DOCK4: variants seen among roughly 807,000 people sequenced by gnomAD.
DOCK4 encodes the protein dedicator of cytokinesis protein 4.
In DOCK4, 97 loss-of-function variants were observed where a neutral mutation model predicts 268.1. The ratio of observed to expected loss-of-function variants is 0.36; its 90% confidence interval spans 0.31 to 0.43. The LOEUF is 0.43. Among genes scored for constraint, DOCK4 ranks in the 20% least tolerant of loss-of-function variants. The pLI is 1.00. For synonymous variants in DOCK4, 954 were observed against 887.2 expected (o/e 1.08, Z -1.34); for missense variants, 2,145 against 2,455.7 (o/e 0.87, Z 2.67).
chr7:111,944,370 T>C (rs1795447488), intron 10 of DOCK4, among the ~76,000 whole-genome samples: 1 of 152,234 alleles, frequency 6.6e-6, no homozygotes, highest in Non-Finnish European at 1.5e-5. Context: ...CAGGCTTTTT[T>C]TTTGTAGCAC....
intron 27 of DOCK4, chr7:111,821,764 T>C (rs912887479): frequency 3.3e-5 from 5 of 152,228 alleles, no homozygotes; most frequent in African/African-American, 1.2e-4. Context: ...AAAAAGAACG[T>C]CAATCTCCAT....
At chr7:112,171,446 C>CTT (rs75893945) in intron 1 of DOCK4, among the ~76,000 whole-genome samples, 9 of 150,234 alleles carry the variant, frequency 6.0e-5, no homozygotes, top group Admixed American at 1.3e-4. Context: ...TTTCCTTTAT[C>CTT]TTTTTTTTTC....
intron 1 of DOCK4, among the ~76,000 whole-genome samples, chr7:112,036,574 G>A (rs1010475191): frequency 3.3e-5 from 5 of 151,904 alleles, no homozygotes; most frequent in Admixed American, 6.6e-5. Flanking sequence ...CAAAGGGTAC[G>A]GATCTTAGGG....
intron 8 of DOCK4, among the ~76,000 whole-genome samples, chr7:111,961,226 T>A (rs1188194350): frequency 6.6e-6 from 1 of 152,200 alleles, no homozygotes; most frequent in African/African-American, 2.4e-5. Flanking sequence ...CTTGATTCCA[T>A]CTCAGCATTT....
intron 12 of DOCK4, among the ~76,000 whole-genome samples, chr7:111,921,349 G>A (rs1183958029): frequency 2.0e-5 from 3 of 152,176 alleles, no homozygotes; most frequent in Non-Finnish European, 4.4e-5. Flanking sequence ...TGATTACTTG[G>A]AAGTTCTAAT....
At chr7:112,049,517 A>C (rs1280950945) in intron 1 of DOCK4, among the ~76,000 whole-genome samples, 1 of 152,176 alleles carries the variant, frequency 6.6e-6, no homozygotes, top group Non-Finnish European at 1.5e-5. Context: ...TAGCAAGAGG[A>C]CAGATTAAAA....
intron 13 of DOCK4, among the ~76,000 whole-genome samples, chr7:111,903,113 G>A (rs1231720678): frequency 6.6e-6 from 1 of 152,100 alleles, no homozygotes; most frequent in Admixed American, 6.6e-5. Flanking sequence ...AAACTTCTTC[G>A]TCAAAGTGTG....
chr7:111,855,284 C>T (rs189790531), intron 23 of DOCK4, among the ~76,000 whole-genome samples: 4 of 152,178 alleles, frequency 2.6e-5, no homozygotes, highest in Admixed American at 2.6e-4. Flanking sequence ...AGAGAAAAGA[C>T]AGAGGCAGCT....
At chr7:111,946,511 T>C (rs894225180) in intron 8 of DOCK4, among the ~76,000 whole-genome samples, 17 of 152,328 alleles carry the variant, frequency 1.1e-4, no homozygotes, top group African/African-American at 3.1e-4. Context: ...CTAGATTTAA[T>C]GAAAACACAA....
At chr7:111,843,166 G>A (rs545393920) in intron 25 of DOCK4, among the ~76,000 whole-genome samples, 2 of 152,188 alleles carry the variant, frequency 1.3e-5, no homozygotes, top group African/African-American at 4.8e-5. Context: ...CTACTTTTAG[G>A]AAAGAAACTA....
At chr7:111,737,841 G>T (rs928855325) in intron 49 of DOCK4, among the ~76,000 whole-genome samples, 4 of 152,162 alleles carry the variant, frequency 2.6e-5, no homozygotes, top group African/African-American at 9.7e-5. Flanking sequence ...TTCCCTTGCA[G>T]CATCATCAAG....
At chr7:111,897,951 T>A (rs1463101013) in intron 15 of DOCK4, among the ~76,000 whole-genome samples, 1 of 152,220 alleles carries the variant, frequency 6.6e-6, no homozygotes, top group Non-Finnish European at 1.5e-5. Flanking sequence ...AATCTGTTAA[T>A]ATTCTGTAAA....
intron 12 of DOCK4, among the ~76,000 whole-genome samples, chr7:111,926,619 G>T (rs537786427): frequency 2.0e-5 from 3 of 150,408 alleles, no homozygotes; most frequent in Non-Finnish European, 2.9e-5. Flanking sequence ...TCAGGAGATC[G>T]AGACTATCCT....
At position 111,758,724 on chromosome 7, in the gene DOCK4, G is replaced by A. The variant is rs755794179; in HGVS notation, c.4229C>T (p.Pro1410Leu). ...SQEVLQREGV[P>L]DNIKSFYKVN... Reference sequence around the variant, plus strand: ...TTTATAGAAGCTTTTGATGTTGTCCGGAACACCCTCTCTCTGCAGGACCTC... The same window carrying A: ...TTTATAGAAGCTTTTGATGTTGTCCAGAACACCCTCTCTCTGCAGGACCTC... The change falls in exon 41 of 53, where the codon CCG becomes CTG. Residue 1410 changes from proline (P) to leucine (L), a missense_variant. Physicochemically the swap from Pro to Leu is moderately conservative, Grantham distance 98. Transcript: ENST00000428084. The A allele has an allele frequency of 1.5e-5, 24 of 1,613,750 alleles. No individual in the cohort carries two copies. The highest frequency in any genetic ancestry group is 4.5e-5 in the East Asian group (2 of 44,888).
chr7:111,754,467 A>T (rs535165655), intron 42 of DOCK4, among the ~76,000 whole-genome samples: 66 of 152,366 alleles, frequency 4.3e-4, no homozygotes, highest in African/African-American at 1.5e-3. Context: ...GAATTACATT[A>T]TATTTGCACA....
chr7:111,999,047 AATC>A (rs1800207325), intron 3 of DOCK4, among the ~76,000 whole-genome samples: 1 of 152,160 alleles, frequency 6.6e-6, no homozygotes, highest in Non-Finnish European at 1.5e-5. Context: ...ATGGAACAGA[AATC>A]AAACAAAAGA....
intron 27 of DOCK4, 66 bp from the exon 28 acceptor site, chr7:111,812,015 T>C: frequency 2.4e-6 from 2 of 833,504 alleles, no homozygotes; most frequent in Non-Finnish European, 1.8e-6. Flanking sequence ...TATACAAGAA[T>C]AAAAACCTAC....
intron 17 of DOCK4, among the ~76,000 whole-genome samples, chr7:111,873,093 G>T (rs1228531582): frequency 6.6e-6 from 1 of 152,156 alleles, no homozygotes; most frequent in East Asian, 1.9e-4. Flanking sequence ...CAGACTAAAA[G>T]AATGGTAACA....
chr7:112,007,389 C>T (rs1800947059), intron 1 of DOCK4, among the ~76,000 whole-genome samples: 1 of 152,138 alleles, frequency 6.6e-6, no homozygotes, highest in Non-Finnish European at 1.5e-5. Flanking sequence ...TGGATTCGGA[C>T]AACCTCAGGG....
Sources: gnomAD v4.1 joint callset for allele counts (sites outside exome capture counted in the v4.1 genomes callset) on GRCh38, gnomAD v4.1.1 for gene constraint, MANE v1.5 for transcripts, NCBI Gene and HGNC (gene_info 2026-07-23, HGNC 2026-07-21) for gene names.